The following TMEM117 variants were observed in gnomAD, a reference collection of about 807,000 sequenced individuals.
TMEM117 encodes transmembrane protein 117.
Under a neutral mutation model 52.4 loss-of-function variants are expected in TMEM117, and 27 were observed. The ratio of observed to expected loss-of-function variants is 0.51; its 90% CI spans 0.38 to 0.71. The LOEUF is 0.71. Among genes scored for constraint, TMEM117 ranks in the 30% least tolerant of loss-of-function variants. The pLI, the probability that TMEM117 is intolerant of heterozygous loss-of-function variation, is 0.00. For missense variants in TMEM117, 556 were observed against 630.5 expected, an observed-to-expected ratio of 0.88 and a Z score of 1.26; for synonymous variants, 215 against 206.3, an observed-to-expected ratio of 1.04 and a Z score of -0.36.
chr12:44,361,790 A>C (rs1951724904), intron 6 of TMEM117, among the ~76,000 whole-genome samples: 1 of 149,724 alleles, frequency 6.7e-6, no homozygotes, highest in Non-Finnish European at 1.5e-5. Context: ...TTACATACAC[A>C]AAAAAAAATT....
chr12:43,867,191 A>G (rs1291582095), intron 2 of TMEM117, among the ~76,000 whole-genome samples: 1 of 152,234 alleles, frequency 6.6e-6, no homozygotes, highest in African/African-American at 2.4e-5. Flanking sequence ...ATATGACAAT[A>G]ATGACAGATT....
At chr12:44,029,351 C>T (rs1462952019) in intron 3 of TMEM117, among the ~76,000 whole-genome samples, 3 of 152,180 alleles carry the variant, frequency 2.0e-5, no homozygotes, top group Non-Finnish European at 4.4e-5. Flanking sequence ...GCTTAGCACT[C>T]TTTGCTTATG....
chr12:43,981,858 AG>A (rs1423305763), intron 3 of TMEM117, among the ~76,000 whole-genome samples: 1 of 152,116 alleles, frequency 6.6e-6, no homozygotes, highest in Non-Finnish European at 1.5e-5. Flanking sequence ...TAGGAAGGTG[AG>A]GGGGAGGAGA....
intron 5 of TMEM117, among the ~76,000 whole-genome samples, chr12:44,215,698 G>C (rs771804222): frequency 6.6e-6 from 1 of 151,090 alleles, no homozygotes; most frequent in Non-Finnish European, 1.5e-5. Flanking sequence ...AAGAATTTTA[G>C]GATGATATTT....
chr12:43,980,342 A>G (rs1368435439), intron 3 of TMEM117, among the ~76,000 whole-genome samples: 3 of 152,136 alleles, frequency 2.0e-5, no homozygotes, highest in Non-Finnish European at 4.4e-5. Context: ...GCCTTTGTGC[A>G]TGATATTGTT....
At chr12:43,805,995 G>T in the TMEM117 span, 2 of 1,532,384 alleles carry the variant, frequency 1.3e-6, no homozygotes, top group South Asian at 2.3e-5. Flanking sequence ...CCCGAATTTC[G>T]GATCAATCTG....
intron 3 of TMEM117, among the ~76,000 whole-genome samples, chr12:44,011,631 A>C (rs1946290872): frequency 6.6e-6 from 1 of 150,678 alleles, no homozygotes; most frequent in Non-Finnish European, 1.5e-5. Flanking sequence ...GCAGCATGAA[A>C]ATAGAGTAAT....
chr12:44,245,780 TG>T (rs1414851201), intron 5 of TMEM117, among the ~76,000 whole-genome samples: 7 of 151,668 alleles, frequency 4.6e-5, no homozygotes, highest in Non-Finnish European at 1.5e-5. Flanking sequence ...CTAAAGAGAG[TG>T]CTTGTGGTGG....
intron 4 of TMEM117, among the ~76,000 whole-genome samples, chr12:44,187,457 C>G (rs1244808416): frequency 6.6e-6 from 1 of 152,048 alleles, no homozygotes; most frequent in Non-Finnish European, 1.5e-5. Flanking sequence ...AATCACTTAT[C>G]AAATGTTTGA....
the TMEM117 span, chr12:43,806,214 C>T: frequency 3.9e-6 from 6 of 1,540,270 alleles, no homozygotes; most frequent in Admixed American, 9.8e-5. Context: ...GCGCCGGGCG[C>T]TGTTACCTTG....
chr12:44,277,569 A>G (rs1056933363), intron 5 of TMEM117, among the ~76,000 whole-genome samples: 11 of 151,850 alleles, frequency 7.2e-5, no homozygotes, highest in East Asian at 1.9e-4. Context: ...ACTCTTTTCT[A>G]TTGTTGGCTG....
At chr12:44,021,228 A>G (rs1461039218) in intron 3 of TMEM117, among the ~76,000 whole-genome samples, 6 of 152,122 alleles carry the variant, frequency 3.9e-5, no homozygotes, top group Non-Finnish European at 7.4e-5. Context: ...CCCAGTACCA[A>G]ATAGTTATCT....
At chr12:44,104,221 T>G (rs981549329) in intron 3 of TMEM117, among the ~76,000 whole-genome samples, 1 of 152,038 alleles carries the variant, frequency 6.6e-6, no homozygotes, top group Non-Finnish European at 1.5e-5. Flanking sequence ...AATTAGTATA[T>G]TAACTATAAC....
At position 43,916,850 on chromosome 12, in the gene TMEM117, GGCTTCTTTTCT is replaced by G. The variant is rs1565749965; in HGVS notation, c.278-27358_278-27348del. 5.3e-5 allele frequency among the ~76,000 whole-genome samples: 8 copies of G among 152,224 alleles called. No homozygotes were observed. The East Asian group carries it at 1.5e-3, about 29-fold the overall frequency. On this transcript the variant is annotated intron_variant, in intron 2 of 7. Transcript: ENST00000266534. Reference sequence around the variant, plus strand: ...TTCTTGTTGGCGTGAAGTAGATCTAGGCTTCTTTTCTGATGTTAACAATCTCACTGTTAGAG... The same window carrying G: ...TTCTTGTTGGCGTGAAGTAGATCTAGGATGTTAACAATCTCACTGTTAGAG...
Position 43,950,427 on chromosome 12 carries a change from G to A in TMEM117, c.410+6085G>A, listed in dbSNP as rs866048947. ...GCCCCCAGGCATGGGTGATGGGTGT[G>A]GTGGAGGCTGGGGGTGGGGTCTTGT... On this transcript the variant is annotated intron_variant, in intron 3 of 7. Coordinates refer to ENST00000266534, the MANE Select transcript of TMEM117 (RefSeq NM_032256.3). Among the ~76,000 whole-genome samples the A allele has an allele frequency of 4.7e-4, 71 of 152,220 alleles. 1 individual carries two copies. The highest frequency in any genetic ancestry group is 1.6e-3 in the African/African-American group (67 of 41,540).
chr12:44,069,872 T>TTTG (rs539075054), intron 3 of TMEM117, among the ~76,000 whole-genome samples: 4 of 152,066 alleles, frequency 2.6e-5, no homozygotes, highest in East Asian at 3.9e-4. Flanking sequence ...TTCAGGCTCT[T>TTTG]TTGTTGTTGT....
At chr12:44,263,003 A>G (rs1222629895) in intron 5 of TMEM117, among the ~76,000 whole-genome samples, 1 of 152,218 alleles carries the variant, frequency 6.6e-6, no homozygotes, top group African/African-American at 2.4e-5. Flanking sequence ...TCTATTTTTT[A>G]TGCAATAATT....
Position 43,844,653 on chromosome 12 carries a change from TG to T in TMEM117, c.5del (p.Gly2?). 1 of 1,611,832 alleles carries T rather than the reference TG, an allele frequency of 6.2e-7. No individual in the cohort carries two copies. The highest frequency in any genetic ancestry group is 2.2e-5 in the East Asian group (1 of 44,862). On this transcript the variant is annotated frameshift_variant and start_lost, in exon 2 of 8. Coordinates refer to ENST00000266534, the MANE Select transcript of TMEM117 (RefSeq NM_032256.3). LOFTEE classifies it high-confidence loss of function. ...ACTACGAACTGGGAGTTCTGAAGAA[TG>T]GGTAAAGACTTTCGTTACTATTTCC... is the stretch of plus-strand genomic sequence containing the variant. The part of the protein sequence containing the change: [M>X]GKDFRYYFQH...
chr12:44,072,569 C>T (rs1947318708), intron 3 of TMEM117, among the ~76,000 whole-genome samples: 1 of 152,138 alleles, frequency 6.6e-6, no homozygotes, highest in Non-Finnish European at 1.5e-5. Flanking sequence ...CTATATGGGG[C>T]TCAGGTTAGG....
Sources: allele counts gnomAD v4.1 joint callset (sites outside exome capture counted in the v4.1 genomes callset), GRCh38; gene constraint gnomAD v4.1.1; transcripts MANE v1.5; gene names NCBI Gene and HGNC (gene_info 2026-07-23, HGNC 2026-07-21).